B9D1: variants seen among roughly 807,000 people sequenced by gnomAD.
B9D1 encodes the protein B9 domain-containing protein 1.
A neutral mutation model predicts 26.1 loss-of-function variants in B9D1; 20 were observed. The ratio of observed to expected loss-of-function variants is 0.77; its 90% CI spans 0.54 to 1.12. The LOEUF (loss-of-function observed/expected upper bound fraction) is 1.12. Ranked by LOEUF, B9D1 falls within the 50% of genes most tolerant of loss-of-function variation. The pLI is 0.00. For missense variants in B9D1, 260 were observed against 273.7 expected, an observed-to-expected ratio of 0.95 and a Z score of 0.35; for synonymous variants, 105 against 103.1, an observed-to-expected ratio of 1.02 and a Z score of -0.11.
At chr17:19,357,634 C>T (rs1406068402) in intron 3 of B9D1, 1 of 619,712 alleles carries the variant, frequency 1.6e-6, no homozygotes, top group African/African-American at 1.8e-5. Context: ...AGCTGCACAG[C>T]CTGTAGCAGA....
intron 5 of B9D1, among the ~76,000 whole-genome samples, chr17:19,345,874 G>A (rs964674699): frequency 2.6e-5 from 4 of 152,216 alleles, no homozygotes; most frequent in African/African-American, 9.7e-5. Flanking sequence ...TGAGCAAGGA[G>A]CCTCCATATC....
chr17:19,342,105 C>T (rs748236844), downstream of B9D1, among the ~76,000 whole-genome samples: 7 of 152,128 alleles, frequency 4.6e-5, no homozygotes, highest in Non-Finnish European at 1.0e-4. Flanking sequence ...GAGGCAAGGA[C>T]ACACCCCTGC....
rs1909082081 is a variant in B9D1 at position 19,347,955 on chromosome 17, C to T, written c.245-75G>A. 7.6e-7 allele frequency: 1 copy of T among 1,311,424 alleles called. No homozygotes were observed. The highest frequency in any genetic ancestry group is 1.1e-6 in the Non-Finnish European group (1 of 916,432). 81.2% of individuals were successfully genotyped at this position (1,311,424 alleles called of 1,614,324 possible). ...GTGCAGGGCAGAGAACAGGGCGTGT[C>T]CAGCTGAGGGTGCTCAAAGGATGGA... On this transcript the variant is annotated intron_variant, in intron 3 of 6. Transcript: ENST00000261499. The surrounding 1 kb of genome is among the most constrained non-coding windows in gnomAD (Gnocchi z 4.3).
Position 19,370,056 on chromosome 17 carries a change from A to G in B9D1, c.-298+7803T>C, listed in dbSNP as rs1198738286. 1.4e-4 allele frequency among the ~76,000 whole-genome samples: 22 copies of G among 152,190 alleles called. No individual in the cohort carries two copies. The highest frequency in any genetic ancestry group is 1.4e-3 in the Admixed American group (22 of 15,276). ...GGGTGAAATGATGATCTCACAGGAA[A>G]CCAGACAAGCTAGAGTTGTCACCAC... On this transcript the variant is annotated intron_variant, in intron 1 of 5. Coordinates refer to the B9D1 transcript ENST00000477478. The surrounding 1 kb of genome is among the most constrained non-coding windows in gnomAD (Gnocchi z 5.1).
At chr17:19,375,021 G>A (rs939128557) in intron 1 of B9D1, among the ~76,000 whole-genome samples, 6 of 152,228 alleles carry the variant, frequency 3.9e-5, no homozygotes, top group African/African-American at 1.4e-4. Context: ...CTGATGCGGT[G>A]GCTCATGCCT....
chr17:19,361,702 A>G (rs1170419990), intron 1 of B9D1, among the ~76,000 whole-genome samples: 1 of 152,180 alleles, frequency 6.6e-6, no homozygotes, highest in Non-Finnish European at 1.5e-5. Context: ...GCCCTGTCAG[A>G]GCCTTACCCA....
At chr17:19,348,310 G>T (rs1467498936) in intron 3 of B9D1, among the ~76,000 whole-genome samples, 1 of 152,156 alleles carries the variant, frequency 6.6e-6, no homozygotes, top group East Asian at 1.9e-4. Flanking sequence ...GTGTCTAGAA[G>T]TCAGAGAGAA....
Position 19,357,933 on chromosome 17 carries a change from A to G in B9D1, c.151T>C (p.Ser51Pro), listed in dbSNP as rs546359789. Reference protein sequence around the residue: ...APTAGLEEGISQITSKSQDVR... With the variant: ...APTAGLEEGIPQITSKSQDVR... ...TCTTGGCTCTTGGATGTGATCTGTGAGATCCCCTCCTCCAGACCCTGTGAG... is the reference window on the plus strand; with the variant it reads ...TCTTGGCTCTTGGATGTGATCTGTGGGATCCCCTCCTCCAGACCCTGTGAG... Residue 51 changes from serine (S) to proline (P), a missense_variant, in exon 3 of 7, where the codon TCA becomes CCA. By Grantham distance (74) the Ser-to-Pro change is moderately conservative. Transcript: ENST00000261499. 9.2e-5 allele frequency: 149 copies of G among 1,613,900 alleles called. No homozygotes were observed. Among genetic ancestry groups the G allele is most frequent in the Non-Finnish European group, 1.2e-4 (144 of 1,179,914 alleles).
Position 19,347,788 on chromosome 17 carries a change from C to T in B9D1, c.337G>A (p.Gly113Ser). The change falls in exon 4 of 7, where the codon GGC (glycine) becomes AGC (serine). Residue 113 changes from glycine (G) to serine (S), a missense_variant. By Grantham distance (56) the Gly-to-Ser change is moderately conservative. Transcript: ENST00000261499. This position sits in a 1 kb window ranked among gnomAD's most constrained non-coding sequence, Gnocchi z 4.3. ...YGAVHVPFSP[G>S]RHKRTIPMFV... ...CAGGTCAGAATGAGGACCTACCGGC[C>T]AGGTGAGAAGGGCACGTGCACGGCC... 1 of 1,613,870 alleles carries T rather than the reference C, an allele frequency of 6.2e-7. No homozygotes were observed. The highest frequency in any genetic ancestry group is 8.5e-7 in the Non-Finnish European group (1 of 1,179,912).
chr17:19,341,421 G>T, downstream of B9D1: 1 of 853,808 alleles, frequency 1.2e-6, no homozygotes, highest in Non-Finnish European at 1.6e-6. Flanking sequence ...GTGGAGGCTG[G>T]CGTGAAGGAG....
At chr17:19,357,603 A>T in intron 3 of B9D1, 1 of 566,828 alleles carries the variant, frequency 1.8e-6, no homozygotes, top group Non-Finnish European at 3.2e-6. Context: ...GCCCTGATGC[A>T]CTCTGAACTT....
chr17:19,357,955 T>A lies in B9D1; in HGVS notation c.133-4A>T. The A allele has an allele frequency of 6.2e-7, 1 of 1,607,554 alleles. No individual in the cohort carries two copies. Among genetic ancestry groups the A allele is most frequent in the Non-Finnish European group, 8.5e-7 (1 of 1,174,018 alleles). ...GTGAGATCCCCTCCTCCAGACCCTG[T>A]GAGGACAGTGACACAGACGGCTGGA... On this transcript the variant is annotated splice_region_variant and splice_polypyrimidine_tract_variant and intron_variant, in intron 2 of 6. Transcript: ENST00000261499.
rs760070960 is a variant in B9D1, at chr17:19,343,304, C to T, written c.*15G>A. On this transcript the variant is annotated 3_prime_UTR_variant, in exon 7 of 7. Transcript: ENST00000261499. ...CAGCCCTTCATTATCAGAGACTGTG[C>T]AGCCTGTGGAGCCTTCACTGGGGGA... 1.2e-6 allele frequency: 2 copies of T among 1,613,916 alleles called. No individual in the cohort carries two copies. The highest frequency in any genetic ancestry group is 1.3e-5 in the African/African-American group (1 of 74,936).
At chr17:19,366,012 G>T (rs1026056432), upstream of B9D1, among the ~76,000 whole-genome samples, 1 of 151,856 alleles carries the variant, frequency 6.6e-6, no homozygotes, top group African/African-American at 2.4e-5. Flanking sequence ...TATCCGCCCA[G>T]AGAACTCCTA....
At chr17:19,349,044 A>G (rs1285253424) in intron 3 of B9D1, among the ~76,000 whole-genome samples, 1 of 152,158 alleles carries the variant, frequency 6.6e-6, no homozygotes, top group African/African-American at 2.4e-5. Context: ...ATGACACTGC[A>G]CAGGGCCCAT....
chr17:19,341,187 G>A (rs1907925483), downstream of B9D1: 1 of 1,231,374 alleles, frequency 8.1e-7, no homozygotes, highest in Non-Finnish European at 1.0e-6. Flanking sequence ...TGGACAAATG[G>A]GGCCTGAGGC....
chr17:19,376,055 A>G (rs1245478498), intron 1 of B9D1, among the ~76,000 whole-genome samples: 13 of 152,272 alleles, frequency 8.5e-5, no homozygotes, highest in Admixed American at 8.5e-4. Flanking sequence ...GGCCATAAAA[A>G]TTAGTGCTAA....
Position 19,347,861 on chromosome 17 carries a change from G to A in B9D1, c.264C>T (p.Ser88=), listed in dbSNP as rs146218883. Reference sequence around the variant, plus strand: ...TCCCGAACACATCTGGTCCATACACGCTGAGCACGATCTGTGGCCCTTGGG... The same window carrying A: ...TCCCGAACACATCTGGTCCATACACACTGAGCACGATCTGTGGCCCTTGGG... ...NPYGWPQIVL[S]VYGPDVFGND... The change falls in exon 4 of 7, where the codon AGC becomes AGT. Residue 88 remains serine (S), a synonymous_variant. Coordinates refer to ENST00000261499, the MANE Select transcript of B9D1 (RefSeq NM_015681.6). This position sits in a 1 kb window ranked among gnomAD's most constrained non-coding sequence, Gnocchi z 4.3. The A allele has an allele frequency of 1.5e-5, 24 of 1,613,942 alleles. No individual in the cohort carries two copies. Among genetic ancestry groups the A allele is most frequent in the African/African-American group, 9.3e-5 (7 of 74,910 alleles).
intron 5 of B9D1, among the ~76,000 whole-genome samples, chr17:19,344,765 G>C (rs889563335): frequency 2.6e-5 from 4 of 152,230 alleles, no homozygotes; most frequent in Non-Finnish European, 5.9e-5. Flanking sequence ...CGGCTGCAGA[G>C]GGGCCCAGGC....
Sources: allele counts gnomAD v4.1 joint callset (sites outside exome capture counted in the v4.1 genomes callset), GRCh38; gene constraint gnomAD v4.1.1; non-coding constraint Gnocchi (gnomAD v3.1); transcripts MANE v1.5; gene names NCBI Gene and HGNC (gene_info 2026-07-23, HGNC 2026-07-21).